The following CFAP126 variants were observed in gnomAD, a reference collection of about 807,000 sequenced individuals.
The protein encoded by CFAP126 is protein Flattop.
CFAP126 carries 21 observed loss-of-function variants against 17.1 expected under a neutral mutation model. The observed-to-expected ratio is 1.23, with a 90% CI of 0.87 to 1.77. The LOEUF (loss-of-function observed/expected upper bound fraction) is 1.77. Among genes scored for constraint, CFAP126 ranks in the 40% most tolerant of loss-of-function variants. CFAP126 has a pLI of 0.00. For synonymous variants in CFAP126, 65 were observed against 73.5 expected, an observed-to-expected ratio of 0.88 and a Z score of 0.59; for missense variants, 174 against 215.4, an observed-to-expected ratio of 0.81 and a Z score of 1.20.
intron 1 of CFAP126, 70 bp from the exon 2 acceptor site, chr1:161,366,571 C>G (rs1325761289): frequency 7.1e-7 from 1 of 1,400,202 alleles, no homozygotes; most frequent in African/African-American, 1.4e-5. Flanking sequence ...AGACTAGGCA[C>G]AATTCTTTAG....
At position 161,364,978 on chromosome 1, in the gene CFAP126, G is replaced by T. The variant is rs2102391836; in HGVS notation, c.521C>A (p.Pro174Gln). ...SAGHTPGPQR[P>Q]AKS ...CCAGGTGGGCTCTTAGGATTTGGCT[G>T]GTCTTTGGGGACCTGGAGTATGACC... Residue 174 changes from proline to glutamine, a missense_variant, in exon 5 of 5, where the codon CCA (proline) becomes CAA (glutamine). Pro to Gln is a moderately conservative substitution (Grantham distance 76). Coordinates refer to ENST00000367974, the MANE Select transcript of CFAP126 (RefSeq NM_001013625.4). 1 of 1,614,134 alleles carries T rather than the reference G, an allele frequency of 6.2e-7. No individual in the cohort carries two copies. Among genetic ancestry groups the T allele is most frequent in the Non-Finnish European group, 8.5e-7 (1 of 1,180,010 alleles).
Position 161,366,475 on chromosome 1 carries a change from A to G in CFAP126, c.54T>C (p.Tyr18=). 3.7e-6 allele frequency: 6 copies of G among 1,614,154 alleles called. No individual in the cohort carries two copies. Among genetic ancestry groups the G allele is most frequent in the Non-Finnish European group, 5.1e-6 (6 of 1,180,002 alleles). Residue 18 remains tyrosine, a synonymous_variant, in exon 2 of 5, where the codon TAT becomes TAC. Coordinates refer to ENST00000367974, the MANE Select transcript of CFAP126 (RefSeq NM_001013625.4). ...NQYEKAFSSK[Y]LQNWSPTKPT... ...GCTTAGTGGGAGACCAGTTCTGCAG[A>G]TACTTGGATGAGAAAGCCTTTTCAT... is the stretch of plus-strand genomic sequence containing the variant.
At position 161,366,272 on chromosome 1, in the gene CFAP126, A is replaced by C. The variant is rs1397471040; in HGVS notation, c.97T>G (p.Ser33Ala). The change falls in exon 3 of 5, where the codon TCT becomes GCT. Residue 33 changes from serine (S) to alanine (A), a missense_variant. Transcript: ENST00000367974. ...SPTKPTKESI[S>A]SHEGYTQIIA... Reference sequence around the variant, plus strand: ...ATTTGAGTGTAGCCTTCATGAGAAGAGATGCTCTGGGGTACAAGTGGGAGA... The same window carrying C: ...ATTTGAGTGTAGCCTTCATGAGAAGCGATGCTCTGGGGTACAAGTGGGAGA... 4 of 1,613,598 alleles carry C rather than the reference A, an allele frequency of 2.5e-6. No homozygotes were observed. The South Asian group carries it at 4.4e-5, about 18-fold the overall frequency.
At position 161,366,479 on chromosome 1, in the gene CFAP126, T is replaced by G; in HGVS notation, c.50A>C (p.Lys17Thr). 6.2e-7 allele frequency: 1 copy of G among 1,614,128 alleles called. No homozygotes were observed. The highest frequency in any genetic ancestry group is 8.5e-7 in the Non-Finnish European group (1 of 1,179,998). The change falls in exon 2 of 5, where the codon AAG (lysine) becomes ACG (threonine). Residue 17 changes from lysine to threonine, a missense_variant. By Grantham distance (78) the Lys-to-Thr change is moderately conservative. Transcript: ENST00000367974. ...ANQYEKAFSS[K>T]YLQNWSPTKP... ...AGTGGGAGACCAGTTCTGCAGATAC[T>G]TGGATGAGAAAGCCTTTTCATACTG...
At position 161,366,085 on chromosome 1, in the gene CFAP126, T is replaced by C. The variant is rs116545281; in HGVS notation, c.171+113A>G. 9.6e-4 allele frequency: 885 copies of C among 919,126 alleles called. 6 individuals are homozygous for C. The African/African-American group carries it at 0.013, about 14-fold the overall frequency. 56.9% of individuals were successfully genotyped at this position (919,126 alleles called of 1,614,324 possible). On this transcript the variant is annotated intron_variant, in intron 3 of 4. Coordinates refer to ENST00000367974, the MANE Select transcript of CFAP126 (RefSeq NM_001013625.4). The stretch of plus-strand genomic sequence containing the variant: ...GTTCAGGGGCTCTCACATTACAACA[T>C]GAATTAGATTAAACTTTAATTTTCC...
chr1:161,364,993 G>A lies in CFAP126; in HGVS notation c.506C>T (p.Pro169Leu). Residue 169 changes from proline (P) to leucine (L), a missense_variant, in exon 5 of 5, where the codon CCA (proline) becomes CTA (leucine). Transcript: ENST00000367974. Reference protein sequence around the residue: ...QSSHPSAGHTPGPQRPAKS With the variant: ...QSSHPSAGHTLGPQRPAKS ...GGATTTGGCTGGTCTTTGGGGACCT[G>A]GAGTATGACCTGCAGAGGGGTGTGA... 2 of 1,614,198 alleles carry A rather than the reference G, an allele frequency of 1.2e-6. No individual in the cohort carries two copies. Among genetic ancestry groups the A allele is most frequent in the Non-Finnish European group, 1.7e-6 (2 of 1,180,026 alleles).
At chr1:161,365,875 A>G (rs1453124219) in intron 3 of CFAP126, 173 bp from the exon 4 acceptor site, 1 of 690,790 alleles carries the variant, frequency 1.4e-6, no homozygotes, top group Non-Finnish European at 2.4e-6. Flanking sequence ...TTGCAGGCCT[A>G]ATTTTTTCAT....
rs1175891167 is a variant in CFAP126, at chr1:161,366,111, C to T, written c.171+87G>A. 138 of 1,135,834 alleles carry T rather than the reference C, an allele frequency of 1.2e-4. 1 individual carries two copies. In the South Asian group the frequency reaches 1.5e-3, roughly 13 times the overall value. 70.4% of individuals were successfully genotyped at this position (1,135,834 alleles called of 1,614,324 possible). A position where few individuals can be genotyped will look rare whatever the true frequency, so the allele number is the denominator to read the frequency against. On this transcript the variant is annotated intron_variant, in intron 3 of 4. Coordinates refer to ENST00000367974, the MANE Select transcript of CFAP126 (RefSeq NM_001013625.4). ...GAATTAGATTAAACTTTAATTTTCC[C>T]GATAATGGCTGTGAGAGACTGCACA...
rs1191196230 is a variant in CFAP126 at position 161,365,014 on chromosome 1, T to G, written c.485A>C (p.His162Pro). Residue 162 changes from histidine to proline, a missense_variant, in exon 5 of 5, where the codon CAC (histidine) becomes CCC (proline). By Grantham distance (77) the His-to-Pro change is moderately conservative. Transcript: ENST00000367974. ...LNSPDELQSS[H>P]PSAGHTPGPQ... is the part of the protein sequence containing the mutation. ...ACCTGGAGTATGACCTGCAGAGGGG[T>G]GTGAGCTTTGGAGTTCATCTGGGGA... 5 of 1,613,990 alleles carry G rather than the reference T, an allele frequency of 3.1e-6. No homozygotes were observed. The highest frequency in any genetic ancestry group is 4.2e-6 in the Non-Finnish European group (5 of 1,180,032).
chr1:161,367,084 G>A (rs1672753344), intron 1 of CFAP126: 1 of 152,164 alleles, frequency 6.6e-6, no homozygotes, highest in Non-Finnish European at 1.5e-5. Flanking sequence ...AGGTTTTGGA[G>A]ATTTAGTACA....
chr1:161,365,588 T>A lies in CFAP126; in HGVS notation c.286A>T (p.Ile96Leu). 6.2e-7 allele frequency: 1 copy of A among 1,614,134 alleles called. No homozygotes were observed. The highest frequency in any genetic ancestry group is 2.2e-5 in the East Asian group (1 of 44,884). The change falls in exon 4 of 5, where the codon ATA (isoleucine) becomes TTA (leucine). Residue 96 changes from isoleucine (I) to leucine (L), a missense_variant. Ile to Leu is a conservative substitution (Grantham distance 5). Transcript: ENST00000367974. Reference protein sequence around the residue: ...TAGAASLTKWIQKNPDLLKAS... With the variant: ...TAGAASLTKWLQKNPDLLKAS... ...TTGAGTAAATCAGGATTTTTCTGTA[T>A]CCATTTGGTGAGGGAGGCAGCACCA...
intron 1 of CFAP126, chr1:161,367,495 T>C (rs558523220): frequency 4.2e-6 from 1 of 237,316 alleles, no homozygotes; most frequent in South Asian, 1.7e-4. Context: ...TACTCAGTTA[T>C]ATTTTGAATT....
At chr1:161,366,778 T>TCTC (rs1191727588) in intron 1 of CFAP126, 28 of 435,408 alleles carry the variant, frequency 6.4e-5, no homozygotes, top group East Asian at 2.5e-4. Context: ...GTTTTTTTCT[T>TCTC]TTCTTTTTTT....
At position 161,365,658 on chromosome 1, in the gene CFAP126, C is replaced by T. The variant is rs1672704252; in HGVS notation, c.216G>A (p.Leu72=). The T allele has an allele frequency of 6.2e-7, 1 of 1,609,282 alleles. No individual in the cohort carries two copies. Residue 72 remains leucine, a synonymous_variant, in exon 4 of 5, where the codon CTG becomes CTA. Coordinates refer to ENST00000367974, the MANE Select transcript of CFAP126 (RefSeq NM_001013625.4). The stretch of plus-strand genomic sequence containing the variant: ...GGGTCACCCGAGCAGGGGGTATCTT[C>T]AGAGGCATTTGCCAGGTGCCCATGA... ...GSFMGTWQMP[L]KIPPARVTLT...
intron 3 of CFAP126, 122 bp from the exon 4 acceptor site, chr1:161,365,824 A>C: frequency 1.0e-6 from 1 of 968,438 alleles, no homozygotes; most frequent in Non-Finnish European, 1.5e-6. Context: ...CTGAAAGCAT[A>C]ATCTTCCCAC....
At chr1:161,365,426 C>T in intron 4 of CFAP126, 100 bp downstream of exon 4, 1 of 1,397,156 alleles carries the variant, frequency 7.2e-7, no homozygotes, top group Non-Finnish European at 1.0e-6. Flanking sequence ...GGTTAGAGGT[C>T]CCCCATGCTG....
chr1:161,365,130 C>T lies in CFAP126; in HGVS notation c.369G>A (p.Gln123=), dbSNP rs1672682622. 6.2e-7 allele frequency: 1 copy of T among 1,614,006 alleles called. No homozygotes were observed. The highest frequency in any genetic ancestry group is 1.7e-5 in the Admixed American group (1 of 60,002). Residue 123 remains glutamine, a synonymous_variant, in exon 5 of 5, where the codon CAG becomes CAA. Transcript: ENST00000367974. ...ILGKPHDPDS[Q]KKLRKKSITK... ...TGATAGACTTCTTTCTGAGTTTCTT[C>T]TGACTGTCTGGATCATGGGGCTGTC... is the stretch of plus-strand genomic sequence containing the variant.
chr1:161,365,504 G>C, intron 4 of CFAP126, 22 bp downstream of exon 4: 1 of 1,612,584 alleles, frequency 6.2e-7, no homozygotes, highest in Non-Finnish European at 8.5e-7. Flanking sequence ...AGGGTTTTGG[G>C]TTAGATGGGA....
intron 3 of CFAP126, 21 bp downstream of exon 3, chr1:161,366,177 G>A (rs1390051183): frequency 6.4e-7 from 1 of 1,552,830 alleles, no homozygotes; most frequent in South Asian, 1.1e-5. Context: ...TTTCTTGATA[G>A]GAGTGAAGAT....
Sources: allele counts gnomAD v4.1 joint callset, GRCh38; gene constraint gnomAD v4.1.1; transcripts MANE v1.5; gene names NCBI Gene and HGNC (gene_info 2026-07-23, HGNC 2026-07-21).